Variants in USH2A observed in about 807,000 individuals in gnomAD.
The protein encoded by USH2A is usherin.
In USH2A, 443 loss-of-function variants were observed where a neutral mutation model predicts 538.9. The ratio of observed to expected loss-of-function variants is 0.82; its 90% CI spans 0.76 to 0.89. The LOEUF is 0.89. Among genes scored for constraint, USH2A ranks in the 40% least tolerant of loss-of-function variants. The pLI is 0.00. For missense variants in USH2A, 6,633 were observed against 6,324.8 expected (o/e 1.05, Z -1.65); for synonymous variants, 2,413 against 2,273.5 (o/e 1.06, Z -1.75).
intron 19 of USH2A, among the ~76,000 whole-genome samples, chr1:216,191,359 T>G (rs935388949): frequency 6.6e-6 from 1 of 151,966 alleles, no homozygotes; most frequent in Non-Finnish European, 1.5e-5. Flanking sequence ...ATAAAATTCA[T>G]TTGGAATATT....
At chr1:216,420,139 C>T (rs915687010) in intron 2 of USH2A, among the ~76,000 whole-genome samples, 1 of 151,842 alleles carries the variant, frequency 6.6e-6, no homozygotes, top group East Asian at 1.9e-4. Flanking sequence ...TATCCCTACC[C>T]ATCAGGTCTT....
chr1:216,242,378 AAAT>A (rs929012685), intron 13 of USH2A, among the ~76,000 whole-genome samples: 1 of 149,666 alleles, frequency 6.7e-6, no homozygotes, highest in African/African-American at 2.5e-5. Flanking sequence ...AAGAAAAAAA[AAAT>A]ATATATATAT....
chr1:216,084,851 A>G lies in USH2A; in HGVS notation c.5014T>C (p.Cys1672Arg). Reference sequence around the variant, plus strand: ...TTCATAAAATGTACATCCTTGAGACAGCCCACAAAACCTTTTTGGATTATC... The same window carrying G: ...TTCATAAAATGTACATCCTTGAGACGGCCCACAAAACCTTTTTGGATTATC... Reference protein sequence around the residue: ...PEIIQKGFVGCLKDVHFMKNY... With the variant: ...PEIIQKGFVGRLKDVHFMKNY... The change falls in exon 25 of 72, where the codon TGT becomes CGT. Residue 1672 changes from cysteine to arginine, a missense_variant. Physicochemically the swap from Cys to Arg is radical, Grantham distance 180. Transcript: ENST00000307340. 6.2e-7 allele frequency: 1 copy of G among 1,613,430 alleles called. No individual in the cohort carries two copies. Among genetic ancestry groups the G allele is most frequent in the East Asian group, 2.2e-5 (1 of 44,848 alleles).
intron 37 of USH2A, among the ~76,000 whole-genome samples, chr1:215,947,042 CTT>C (rs34295902): frequency 0.4 from 57,831 of 146,200 alleles, 11,842 homozygotes; most frequent in East Asian, 0.73. Context: ...AGGTATATTA[CTT>C]TTTTTTTTTT....
chr1:215,654,485 T>G (rs1657180273), intron 64 of USH2A, among the ~76,000 whole-genome samples: 1 of 152,220 alleles, frequency 6.6e-6, no homozygotes, highest in African/African-American at 2.4e-5. Context: ...TATTTGGGTT[T>G]GGTGAACACT....
intron 37 of USH2A, among the ~76,000 whole-genome samples, chr1:215,941,854 T>A (rs1186442114): frequency 1.3e-5 from 2 of 152,146 alleles, no homozygotes; most frequent in Non-Finnish European, 2.9e-5. Flanking sequence ...AATGATATCA[T>A]GTTTTGCTGT....
At position 215,880,806 on chromosome 1, in the gene USH2A, TA is replaced by T. The variant is rs370831873; in HGVS notation, c.8224-1709del. The stretch of plus-strand genomic sequence containing the variant: ...TTCAGGTCAGAGCTTGGCAACACTT[TA>T]AACCATTAATACTTAGTCCTTGCCC... On this transcript the variant is annotated intron_variant, in intron 41 of 71. Coordinates refer to ENST00000307340, the MANE Select transcript of USH2A (RefSeq NM_206933.4). Among the ~76,000 whole-genome samples the T allele has an allele frequency of 3.1e-3, 470 of 152,366 alleles. 2 individuals are homozygous for T. Among genetic ancestry groups the T allele is most frequent in the African/African-American group, 0.01 (421 of 41,586 alleles).
chr1:216,199,106 A>G (rs574906579), intron 17 of USH2A, among the ~76,000 whole-genome samples: 3 of 152,334 alleles, frequency 2.0e-5, no homozygotes, highest in South Asian at 2.1e-4. Context: ...AGATTTTGCT[A>G]TAATATGTAC....
At chr1:216,002,842 G>A (rs1217647797) in intron 32 of USH2A, among the ~76,000 whole-genome samples, 4 of 152,104 alleles carry the variant, frequency 2.6e-5, no homozygotes, top group Non-Finnish European at 5.9e-5. Flanking sequence ...TTGCATATCT[G>A]GAACTTAGGT....
chr1:215,770,967 A>C (rs1424565270), intron 55 of USH2A, among the ~76,000 whole-genome samples: 2 of 134,902 alleles, frequency 1.5e-5, no homozygotes, highest in African/African-American at 3.0e-5. Flanking sequence ...AAAAAAAAAA[A>C]CCTACAAAAA....
intron 55 of USH2A, among the ~76,000 whole-genome samples, chr1:215,775,323 G>T (rs1327011226): frequency 6.6e-6 from 1 of 152,078 alleles, no homozygotes; most frequent in Non-Finnish European, 1.5e-5. Flanking sequence ...TTTTCATTTC[G>T]CACTGGACCC....
Position 215,650,702 on chromosome 1 carries a change from C to A in USH2A, c.14233G>T (p.Val4745Leu), listed in dbSNP as rs762180096. Residue 4745 changes from valine (V) to leucine (L), a missense_variant, in exon 65 of 72, where the codon GTG becomes TTG. By Grantham distance (32) the Val-to-Leu change is conservative (BLOSUM62 1). Coordinates refer to ENST00000307340, the MANE Select transcript of USH2A (RefSeq NM_206933.4). Reference sequence around the variant, plus strand: ...ACCACTGCTTGGGTAGAAGAGATCACATGGAACGTGGGGGCTCTGAGACCT... The same window carrying A: ...ACCACTGCTTGGGTAGAAGAGATCAAATGGAACGTGGGGGCTCTGAGACCT... ...PEGLRAPTFH[V>L]ISSTQAVVNI... 5 of 1,614,038 alleles carry A rather than the reference C, an allele frequency of 3.1e-6. No homozygotes were observed. In the South Asian group the frequency reaches 4.4e-5, roughly 14 times the overall value.
chr1:215,838,428 G>T (rs185971895), intron 46 of USH2A, among the ~76,000 whole-genome samples: 26 of 152,122 alleles, frequency 1.7e-4, no homozygotes, highest in Non-Finnish European at 1.0e-4. Flanking sequence ...GTGACAGTTT[G>T]CAAGCATAAC....
At chr1:216,237,037 C>T (rs976052311) in intron 13 of USH2A, among the ~76,000 whole-genome samples, 8 of 151,994 alleles carry the variant, frequency 5.3e-5, no homozygotes, top group African/African-American at 1.4e-4. Context: ...ATTCAAAATC[C>T]ACAGCAAAAC....
chr1:216,098,571 T>C (rs1280275075), intron 21 of USH2A, among the ~76,000 whole-genome samples: 1 of 152,112 alleles, frequency 6.6e-6, no homozygotes, highest in Non-Finnish European at 1.5e-5. Flanking sequence ...AGAGAAAAAC[T>C]TTAGCTAGGA....
At chr1:216,092,816 C>T (rs2102568793) in intron 22 of USH2A, among the ~76,000 whole-genome samples, 1 of 152,254 alleles carries the variant, frequency 6.6e-6, no homozygotes, top group Middle Eastern at 3.4e-3. Flanking sequence ...CCATCCTGCT[C>T]AACCCATATC....
intron 37 of USH2A, among the ~76,000 whole-genome samples, chr1:215,948,438 A>ATATG (rs1245528116): frequency 6.9e-6 from 1 of 145,472 alleles, no homozygotes; most frequent in Admixed American, 6.8e-5. Flanking sequence ...ATATATATAT[A>ATATG]TATATACACA....
intron 20 of USH2A, among the ~76,000 whole-genome samples, chr1:216,181,420 T>G (rs969027327): frequency 2.0e-5 from 3 of 152,094 alleles, no homozygotes; most frequent in Non-Finnish European, 4.4e-5. Flanking sequence ...CCTTCAGCTC[T>G]CAGCCACCTT....
At chr1:215,675,854 C>A (rs1658006795) in intron 62 of USH2A, among the ~76,000 whole-genome samples, 1 of 151,776 alleles carries the variant, frequency 6.6e-6, no homozygotes, top group Non-Finnish European at 1.5e-5. Context: ...TTGGGAACTA[C>A]ATAAACATTT....
Sources: gnomAD v4.1 joint callset for allele counts (sites outside exome capture counted in the v4.1 genomes callset) on GRCh38, gnomAD v4.1.1 for gene constraint, MANE v1.5 for transcripts, NCBI Gene and HGNC (gene_info 2026-07-23, HGNC 2026-07-21) for gene names.